Variants in CHODL observed in about 807,000 individuals in gnomAD.
CHODL encodes the protein chondrolectin, also known as transmembrane protein MT75.
In CHODL, 29 loss-of-function variants were observed where a neutral mutation model predicts 34.5. The observed-to-expected ratio is 0.84, with a 90% CI of 0.63 to 1.15. The LOEUF is 1.15. CHODL is among the 50% of genes most tolerant of loss of function. The pLI is 0.00. For missense variants in CHODL, 332 were observed against 332.5 expected, an observed-to-expected ratio of 1.00 and a Z score of 0.01; for synonymous variants, 125 against 116.1, an observed-to-expected ratio of 1.08 and a Z score of -0.49.
chr21:17,994,804 C>T (rs2063832719), intron 1 of CHODL, among the ~76,000 whole-genome samples: 1 of 152,134 alleles, frequency 6.6e-6, no homozygotes, highest in Non-Finnish European at 1.5e-5. Context: ...TGGGTGCCAG[C>T]AGTGGCAGTT....
chr21:18,243,233 A>T (rs957933739), upstream of CHODL, among the ~76,000 whole-genome samples: 64 of 152,190 alleles, frequency 4.2e-4, 1 homozygote, highest in African/African-American at 1.4e-3. Flanking sequence ...CTTTCTCTAC[A>T]CTGGACTCTG....
At chr21:18,160,733 T>C (rs1274068906) in intron 2 of CHODL, among the ~76,000 whole-genome samples, 1 of 152,212 alleles carries the variant, frequency 6.6e-6, no homozygotes, top group East Asian at 1.9e-4. Context: ...CAGTCTATCA[T>C]TGATGGACAT....
At chr21:18,088,327 C>T (rs1460891624) in intron 2 of CHODL, among the ~76,000 whole-genome samples, 1 of 152,152 alleles carries the variant, frequency 6.6e-6, no homozygotes, top group Non-Finnish European at 1.5e-5. Context: ...GTGAGAGTCT[C>T]ACTCTCCCTC....
chr21:18,194,439 A>G (rs1016501471), intron 2 of CHODL, among the ~76,000 whole-genome samples: 5 of 152,134 alleles, frequency 3.3e-5, no homozygotes, highest in Non-Finnish European at 5.9e-5. Context: ...TCTCCTTTGC[A>G]CTAGCTGGTT....
intron 2 of CHODL, among the ~76,000 whole-genome samples, chr21:18,199,690 T>C (rs1298412110): frequency 1.3e-5 from 2 of 152,180 alleles, no homozygotes; most frequent in Admixed American, 6.5e-5. Context: ...TATTACATAA[T>C]GTCATATAGT....
chr21:18,020,990 C>T (rs1471601121), intron 1 of CHODL, among the ~76,000 whole-genome samples: 3 of 152,080 alleles, frequency 2.0e-5, no homozygotes, highest in Admixed American at 1.3e-4. Flanking sequence ...TTTCTTTTTG[C>T]ATTAGGATGG....
intron 1 of CHODL, among the ~76,000 whole-genome samples, chr21:17,927,389 T>C (rs1056505867): frequency 6.6e-6 from 1 of 152,130 alleles, no homozygotes; most frequent in African/African-American, 2.4e-5. Context: ...ATATCCTCTC[T>C]GTTCCTGGCT....
chr21:17,936,293 A>T (rs2063318483), intron 1 of CHODL, among the ~76,000 whole-genome samples: 1 of 152,196 alleles, frequency 6.6e-6, no homozygotes, highest in Non-Finnish European at 1.5e-5. Flanking sequence ...GTTACGAGGT[A>T]CAAAGATTTA....
intron 2 of CHODL, among the ~76,000 whole-genome samples, chr21:18,061,425 T>C (rs184025796): frequency 1.3e-5 from 2 of 152,304 alleles, no homozygotes; most frequent in Admixed American, 6.5e-5. Context: ...TGAGTTTAGA[T>C]GAAGAGGCTG....
chr21:17,952,194 C>CAAAAAAAAAA (rs58511535), intron 1 of CHODL, among the ~76,000 whole-genome samples: 2 of 80,360 alleles, frequency 2.5e-5, no homozygotes, highest in Admixed American at 1.7e-4. Context: ...TACTATGTCT[C>CAAAAAAAAAA]AAAAAAAAAA....
chr21:17,925,677 TA>T (rs2063216921), intron 1 of CHODL, among the ~76,000 whole-genome samples: 1 of 152,214 alleles, frequency 6.6e-6, no homozygotes, highest in African/African-American at 2.4e-5. Flanking sequence ...AGTAAAAGGA[TA>T]AATTTATTTA....
At chr21:17,924,412 C>T (rs1017060588) in intron 1 of CHODL, among the ~76,000 whole-genome samples, 5 of 152,150 alleles carry the variant, frequency 3.3e-5, no homozygotes, top group African/African-American at 9.7e-5. Context: ...GGAGAATCAG[C>T]CTTGGAGACC....
At chr21:18,110,769 A>C (rs750555300) in intron 2 of CHODL, among the ~76,000 whole-genome samples, 39 of 152,230 alleles carry the variant, frequency 2.6e-4, no homozygotes, top group Non-Finnish European at 4.9e-4. Flanking sequence ...AATGCACTGG[A>C]ACATGGGACA....
At chr21:18,243,394 A>T (rs1199579035), upstream of CHODL, among the ~76,000 whole-genome samples, 1 of 152,160 alleles carries the variant, frequency 6.6e-6, no homozygotes, top group Non-Finnish European at 1.5e-5. Flanking sequence ...TCTCGTGAAT[A>T]ATTAGCTAGT....
chr21:18,259,628 A>T (rs2074357297), intron 3 of CHODL, among the ~76,000 whole-genome samples: 1 of 152,200 alleles, frequency 6.6e-6, no homozygotes, highest in African/African-American at 2.4e-5. Context: ...TATTATTATT[A>T]TTTTTAAAAG....
At chr21:18,126,468 C>T (rs570135351) in intron 2 of CHODL, among the ~76,000 whole-genome samples, 64 of 152,238 alleles carry the variant, frequency 4.2e-4, no homozygotes, top group Non-Finnish European at 6.2e-4. Context: ...ACAACCAAAC[C>T]CACAATATTT....
intron 2 of CHODL, among the ~76,000 whole-genome samples, chr21:18,124,987 G>A (rs892680781): frequency 2.0e-5 from 3 of 152,158 alleles, no homozygotes; most frequent in African/African-American, 7.2e-5. Context: ...TCTAAATCCA[G>A]GTCTAGGATC....
intron 1 of CHODL, among the ~76,000 whole-genome samples, chr21:18,001,468 G>C (rs181148332): frequency 6.4e-4 from 98 of 152,328 alleles, no homozygotes; most frequent in African/African-American, 1.7e-3. Flanking sequence ...TATAAATACA[G>C]TGTAATGGCA....
intron 1 of CHODL, among the ~76,000 whole-genome samples, chr21:17,967,704 A>G (rs2063583310): frequency 6.6e-6 from 1 of 151,734 alleles, no homozygotes; most frequent in South Asian, 2.1e-4. Flanking sequence ...GGAGTGCAAA[A>G]AAGTGCAAGG....
Sources: gnomAD v4.1 joint callset for allele counts (sites outside exome capture counted in the v4.1 genomes callset) on GRCh38, gnomAD v4.1.1 for gene constraint, MANE v1.5 for transcripts, NCBI Gene and HGNC (gene_info 2026-07-23, HGNC 2026-07-21) for gene names.